Variants in MED13L observed in about 807,000 individuals in gnomAD.
MED13L encodes the protein mediator of RNA polymerase II transcription subunit 13-like.
In MED13L, 7 loss-of-function variants were observed where a neutral mutation model predicts 220.9. The ratio of observed to expected loss-of-function variants is 0.03; its 90% CI spans 0.02 to 0.06. The LOEUF (loss-of-function observed/expected upper bound fraction) is 0.06. Ranked by LOEUF, MED13L falls within the 10% of genes least tolerant of loss-of-function variation. The pLI, the probability that MED13L is intolerant of heterozygous loss-of-function variation, is 1.00. For missense variants in MED13L, 1,965 were observed against 2,760.5 expected (o/e 0.71, Z 6.46); for synonymous variants, 1,011 against 1,015.2 (o/e 1.00, Z 0.08).
Position 116,267,514 on chromosome 12 carries a change from C to T in MED13L, c.72+9546G>A, listed in dbSNP as rs77973800. Among the ~76,000 whole-genome samples the T allele has an allele frequency of 2.9e-4, 44 of 152,260 alleles. No individual in the cohort carries two copies. The East Asian group carries it at 7.1e-3, about 25-fold the overall frequency. ...AAGAACATCATCTAGTCATCCAAAG[C>T]GCTTTCCTTAAAAGGTACTCAAAAT... On this transcript the variant is annotated intron_variant, in intron 1 of 30. Coordinates refer to ENST00000281928, the MANE Select transcript of MED13L (RefSeq NM_015335.5).
intron 1 of MED13L, among the ~76,000 whole-genome samples, chr12:116,270,402 C>T (rs930804587): frequency 2.0e-5 from 3 of 151,990 alleles, no homozygotes; most frequent in African/African-American, 4.8e-5. Context: ...TTGGCCTCCC[C>T]GCAAAGTGAT....
chr12:116,218,215 CA>C (rs762252744), intron 2 of MED13L, among the ~76,000 whole-genome samples: 1 of 152,130 alleles, frequency 6.6e-6, no homozygotes, highest in Non-Finnish European at 1.5e-5. Context: ...ATACTTTCTG[CA>C]AAAGCCAAAA....
intron 2 of MED13L, among the ~76,000 whole-genome samples, chr12:116,144,851 T>C (rs1172605011): frequency 2.0e-5 from 3 of 152,224 alleles, no homozygotes; most frequent in Non-Finnish European, 2.9e-5. Flanking sequence ...ACTTATCTGC[T>C]ATCTAATAAT....
At chr12:116,034,428 C>A (rs1263906990) in intron 4 of MED13L, among the ~76,000 whole-genome samples, 1 of 152,102 alleles carries the variant, frequency 6.6e-6, no homozygotes, top group Admixed American at 6.5e-5. Flanking sequence ...GATAGTCCAG[C>A]GAGGCATACA....
intron 2 of MED13L, among the ~76,000 whole-genome samples, chr12:116,205,332 C>A (rs1050528101): frequency 1.3e-5 from 2 of 149,990 alleles, no homozygotes; most frequent in Non-Finnish European, 3.0e-5. Flanking sequence ...TTTTTTTTAA[C>A]GTTTTTCCTA....
At chr12:115,986,620 A>T in intron 18 of MED13L, 131 bp from the exon 19 acceptor site, 2 of 895,826 alleles carry the variant, frequency 2.2e-6, no homozygotes, top group Non-Finnish European at 3.6e-6. Flanking sequence ...GACATTCTTA[A>T]AAGTATTTTT....
At chr12:116,035,008 C>G (rs1881091115) in intron 4 of MED13L, among the ~76,000 whole-genome samples, 1 of 151,976 alleles carries the variant, frequency 6.6e-6, no homozygotes, top group Admixed American at 6.6e-5. Flanking sequence ...GTCTCAAAAA[C>G]AAAAACAAAA....
chr12:116,222,075 A>T (rs1227038238), intron 2 of MED13L, among the ~76,000 whole-genome samples: 1 of 152,220 alleles, frequency 6.6e-6, no homozygotes, highest in African/African-American at 2.4e-5. Context: ...ATGAAAAGCA[A>T]AATTATATCC....
At chr12:116,087,454 G>A (rs1041872942) in intron 4 of MED13L, among the ~76,000 whole-genome samples, 2 of 152,030 alleles carry the variant, frequency 1.3e-5, no homozygotes, top group Admixed American at 6.6e-5. Context: ...TATTCTTGTC[G>A]AAAGAGAAAT....
At chr12:115,975,340 G>A in intron 24 of MED13L, 27 bp from the exon 25 acceptor site, 1 of 1,613,976 alleles carries the variant, frequency 6.2e-7, no homozygotes, top group Non-Finnish European at 8.5e-7. Context: ...TGGGGAAGGG[G>A]AAGGGGTCCC....
intron 4 of MED13L, among the ~76,000 whole-genome samples, chr12:116,046,326 T>C (rs533765668): frequency 1.3e-5 from 2 of 151,946 alleles, no homozygotes; most frequent in South Asian, 2.1e-4. Context: ...CATTGAAACA[T>C]TGAAAAAAAA....
At chr12:116,103,581 C>T (rs1286546331) in intron 3 of MED13L, among the ~76,000 whole-genome samples, 1 of 152,194 alleles carries the variant, frequency 6.6e-6, no homozygotes, top group Non-Finnish European at 1.5e-5. Flanking sequence ...GCCGCTGCTC[C>T]CAGATCAATT....
rs774571456 is a variant in MED13L, at chr12:115,998,127, T to TA, written c.2570-898dup. On this transcript the variant is annotated intron_variant, in intron 14 of 30. Transcript: ENST00000281928. Reference sequence around the variant, plus strand: ...GAACAGCGGTTCTGAACTCCTTCTTTAAAAAAAAAGTTTCCTTTAATACAC... The same window carrying TA: ...GAACAGCGGTTCTGAACTCCTTCTTTAAAAAAAAAAGTTTCCTTTAATACAC... Among the ~76,000 whole-genome samples the TA allele has an allele frequency of 1.9e-3, 283 of 151,572 alleles. 1 individual carries two copies. The highest frequency in any genetic ancestry group is 3.0e-3 in the Non-Finnish European group (201 of 67,842).
intron 2 of MED13L, among the ~76,000 whole-genome samples, chr12:116,148,076 A>AAAAAG (rs1264462636): frequency 2.0e-5 from 1 of 50,578 alleles, no homozygotes; most frequent in African/African-American, 7.9e-5. Context: ...AAAAAAAAAG[A>AAAAAG]GGGGGGCGGG....
intron 1 of MED13L, among the ~76,000 whole-genome samples, chr12:116,247,584 G>A (rs1304741641): frequency 2.0e-5 from 3 of 150,830 alleles, no homozygotes; most frequent in Non-Finnish European, 4.4e-5. Context: ...TAGATGGGCT[G>A]CTGACGAGAC....
intron 2 of MED13L, among the ~76,000 whole-genome samples, chr12:116,158,010 G>A (rs891975310): frequency 1.4e-4 from 22 of 152,176 alleles, no homozygotes; most frequent in African/African-American, 5.3e-4. Context: ...CTGAATAGAA[G>A]ACAGTCCGGA....
At position 116,015,272 on chromosome 12, in the gene MED13L, C is replaced by T; in HGVS notation, c.1012G>A (p.Glu338Lys). The change falls in exon 8 of 31, where the codon GAG becomes AAG. Residue 338 changes from glutamate (E) to lysine (K), a missense_variant and splice_region_variant. By Grantham distance (56) the Glu-to-Lys change is moderately conservative. Around this residue, in one of 10 missense-constraint regions of MED13L, gnomAD observed 818 missense variants for 1,041.2 expected, o/e 0.79. Transcript: ENST00000281928. ...PTSPEQAILG[E>K]SGGMQSAASH... ...GCAGCACTCTGCATACCTCCACTCT[C>T]ACCTGAAAAAAAAGGCAATTTGGAA... The T allele has an allele frequency of 6.2e-7, 1 of 1,613,576 alleles. No homozygotes were observed. The highest frequency in any genetic ancestry group is 8.5e-7 in the Non-Finnish European group (1 of 1,179,704).
At chr12:116,269,466 C>CAAAAAAAAAAAA (rs34100053) in intron 1 of MED13L, among the ~76,000 whole-genome samples, 6 of 69,140 alleles carry the variant, frequency 8.7e-5, no homozygotes, top group Middle Eastern at 0.012. Context: ...TTAAACTATG[C>CAAAAAAAAAAAA]AAAAAAAAAA....
Position 115,991,874 on chromosome 12 carries a change from G to A in MED13L, c.3080C>T (p.Ala1027Val). ...TGCCCCACTATTGCTGGCTGGGGCA[G>A]CGCTGTTCAACGTCACGGGTGTGTT... Reference protein sequence around the residue: ...QMNTPVTLNSAAPASNSGAGV... With the variant: ...QMNTPVTLNSVAPASNSGAGV... Residue 1027 changes from alanine to valine, a missense_variant, in exon 17 of 31, where the codon GCT becomes GTT. Transcript: ENST00000281928. This position sits in a 1 kb window ranked among gnomAD's most constrained non-coding sequence, Gnocchi z 7.7. 1 of 1,605,676 alleles carries A rather than the reference G, an allele frequency of 6.2e-7. No homozygotes were observed. The highest frequency in any genetic ancestry group is 8.5e-7 in the Non-Finnish European group (1 of 1,179,944).
Sources: gnomAD v4.1 joint callset for allele counts (sites outside exome capture counted in the v4.1 genomes callset) on GRCh38, gnomAD v4.1.1 for gene constraint, gnomAD v4.1.1 regional missense constraint, Gnocchi (gnomAD v3.1) non-coding constraint, MANE v1.5 for transcripts, NCBI Gene and HGNC (gene_info 2026-07-23, HGNC 2026-07-21) for gene names.